NIN: variants seen among roughly 807,000 people sequenced by gnomAD.
The protein encoded by NIN is ninein, also known as glycogen synthase kinase 3 beta-interacting protein.
In NIN, 137 loss-of-function variants were observed where a neutral mutation model predicts 257.6. That is an observed-to-expected ratio of 0.53 (90% CI 0.46 to 0.61). NIN has a LOEUF of 0.61. Among genes scored for constraint, NIN ranks in the 20% least tolerant of loss-of-function variants. The pLI is 0.00. For synonymous variants in NIN, 918 were observed against 919.8 expected (o/e 1.00, Z 0.04); for missense variants, 2,439 against 2,501.2 (o/e 0.98, Z 0.53).
intron 29 of NIN, among the ~76,000 whole-genome samples, chr14:50,727,032 G>C (rs1356182346): frequency 1.3e-5 from 2 of 152,098 alleles, no homozygotes; most frequent in Admixed American, 6.6e-5. Flanking sequence ...AATGCAGGAA[G>C]TAAGTTACAA....
At chr14:50,744,903 T>C (rs531542414) in intron 22 of NIN, among the ~76,000 whole-genome samples, 7 of 152,244 alleles carry the variant, frequency 4.6e-5, no homozygotes, top group Admixed American at 2.0e-4. Flanking sequence ...CACTCCAGGC[T>C]GGGCGACAGA....
At chr14:50,738,780 T>C (rs1377390529) in intron 26 of NIN, among the ~76,000 whole-genome samples, 1 of 152,230 alleles carries the variant, frequency 6.6e-6, no homozygotes, top group Non-Finnish European at 1.5e-5. Context: ...TAACTAAATA[T>C]CTGCGACTCT....
rs1443348151 is a variant in NIN at position 50,723,518 on chromosome 14, A to G, written c.6347T>C (p.Ile2116Thr). ...LEEKIASLSN[I>T]VRNLTPAPLT... Reference sequence around the variant, plus strand: ...TGGCGCTGGTGTCAGATTCCTAACTATATTACTGAGGCTGGCAATCTTCTC... The same window carrying G: ...TGGCGCTGGTGTCAGATTCCTAACTGTATTACTGAGGCTGGCAATCTTCTC... Residue 2116 changes from isoleucine to threonine, a missense_variant, in exon 31 of 31, where the codon ATA becomes ACA. Ile to Thr is a moderately conservative substitution (Grantham distance 89). Coordinates refer to ENST00000530997, the MANE Select transcript of NIN (RefSeq NM_020921.4). The G allele has an allele frequency of 6.8e-6, 11 of 1,613,626 alleles. No individual in the cohort carries two copies. In the African/African-American group the frequency reaches 8.0e-5, roughly 12 times the overall value.
chr14:50,757,953 G>A lies in NIN; in HGVS notation c.3077C>T (p.Thr1026Ile). The change falls in exon 18 of 31, where the codon ACA becomes ATA. Residue 1026 changes from threonine (T) to isoleucine (I), a missense_variant. Physicochemically the swap from Thr to Ile is moderately conservative, Grantham distance 89 (BLOSUM62 -1). This residue lies in a region of NIN where 2,043 missense variants were observed against 2,050.2 expected (regional missense o/e 1.00). Coordinates refer to ENST00000530997, the MANE Select transcript of NIN (RefSeq NM_020921.4). ...QSKIKEMQQA[T>I]SPLSMLQSGC... ...ACTCTGAAGCATTGAGAGAGGAGAT[G>A]TTGCCTGCTGCATTTCCTTTATTTT... The A allele has an allele frequency of 1.9e-6, 3 of 1,614,190 alleles. No individual in the cohort carries two copies. The highest frequency in any genetic ancestry group is 1.3e-5 in the African/African-American group (1 of 75,060).
intron 14 of NIN, among the ~76,000 whole-genome samples, chr14:50,765,265 T>G (rs1031447830): frequency 6.6e-6 from 1 of 151,942 alleles, no homozygotes; most frequent in Admixed American, 6.6e-5. Flanking sequence ...AACAAGTGGA[T>G]GAACTGGGGG....
chr14:50,824,541 T>C (rs530322406), intron 2 of NIN, among the ~76,000 whole-genome samples: 1 of 152,240 alleles, frequency 6.6e-6, no homozygotes, highest in Non-Finnish European at 1.5e-5. Flanking sequence ...TACTGGTTGA[T>C]ATTATTTCCC....
chr14:50,772,255 C>A, intron 9 of NIN, 46 bp downstream of exon 9: 4 of 1,508,892 alleles, frequency 2.7e-6, no homozygotes, highest in South Asian at 2.5e-5. Flanking sequence ...TGAAAATTTT[C>A]AACCCTTCTC....
intron 4 of NIN, among the ~76,000 whole-genome samples, chr14:50,794,743 C>T (rs2043758759): frequency 6.8e-6 from 1 of 146,876 alleles, no homozygotes; most frequent in East Asian, 2.0e-4. Flanking sequence ...TTATTGCATG[C>T]TGCACTTATT....
chr14:50,782,017 AC>A (rs1370377064), intron 5 of NIN, among the ~76,000 whole-genome samples: 7 of 150,678 alleles, frequency 4.6e-5, no homozygotes, highest in Admixed American at 2.6e-4. Context: ...AAAAAAAAAA[AC>A]CAAAAACAAA....
At chr14:50,762,659 A>T (rs757899880) in intron 15 of NIN, among the ~76,000 whole-genome samples, 7 of 152,226 alleles carry the variant, frequency 4.6e-5, no homozygotes, top group Non-Finnish European at 8.8e-5. Context: ...ACTGAGAATG[A>T]CACTGAAAAT....
At position 50,741,678 on chromosome 14, in the gene NIN, C is replaced by G; in HGVS notation, c.5352G>C (p.Arg1784=). 1 of 1,614,104 alleles carries G rather than the reference C, an allele frequency of 6.2e-7. No individual in the cohort carries two copies. Among genetic ancestry groups the G allele is most frequent in the South Asian group, 1.1e-5 (1 of 91,080 alleles). The part of the protein sequence containing the change: ...TVQNVNLQMS[R]MKSDLRVTQQ... ...GAGTCACTCGTAGGTCAGATTTCATCCGGGACATTTGCAGGTTTACATTCT... is the reference window on the plus strand; with the variant it reads ...GAGTCACTCGTAGGTCAGATTTCATGCGGGACATTTGCAGGTTTACATTCT... The change falls in exon 25 of 31, where the codon CGG becomes CGC. Residue 1784 remains arginine, a synonymous_variant. Coordinates refer to ENST00000530997, the MANE Select transcript of NIN (RefSeq NM_020921.4).
chr14:50,765,063 TAAAAAA>T (rs781699626), intron 14 of NIN, among the ~76,000 whole-genome samples: 3 of 82,070 alleles, frequency 3.7e-5, no homozygotes, highest in Non-Finnish European at 7.1e-5. Context: ...TGTCTCTACT[TAAAAAA>T]AAAAAAAAAA....
rs150722174 is a variant in NIN at position 50,757,627 on chromosome 14, C to A, written c.3403G>T (p.Val1135Leu). The change falls in exon 18 of 31, where the codon GTA (valine) becomes TTA (leucine). Residue 1135 changes from valine (V) to leucine (L), a missense_variant. Transcript: ENST00000530997. ...QFLQQNRTKQVEGVTRRHVLS... is the reference protein window; with the variant it reads ...QFLQQNRTKQLEGVTRRHVLS... ...ACATGCCGCCTGGTCACACCTTCTACTTGCTTCGTTCGGTTTTGCTGTAAA... is the reference window on the plus strand; with the variant it reads ...ACATGCCGCCTGGTCACACCTTCTAATTGCTTCGTTCGGTTTTGCTGTAAA... 2 of 1,614,176 alleles carry A rather than the reference C, an allele frequency of 1.2e-6. No homozygotes were observed. The highest frequency in any genetic ancestry group is 1.6e-4 in the Middle Eastern group (1 of 6,062).
chr14:50,731,348 G>A (rs2040686048), intron 28 of NIN, among the ~76,000 whole-genome samples: 1 of 151,854 alleles, frequency 6.6e-6, no homozygotes, highest in Non-Finnish European at 1.5e-5. Context: ...TGTCCAACGT[G>A]GTGAAACCCC....
rs2043010754 is a variant in NIN, at chr14:50,778,661, G to GTTA, written c.475+101_475+103dup. ...ATTTTTTGTTGCTGTTGTTCTTAAT[G>GTTA]TTAATTCCCCTGGCCTGCAGCATAA... On this transcript the variant is annotated intron_variant, in intron 6 of 30. Transcript: ENST00000530997. 6 of 977,816 alleles carry GTTA rather than the reference G, an allele frequency of 6.1e-6. No individual in the cohort carries two copies. In the Admixed American group the frequency reaches 1.1e-4, roughly 19 times the overall value. The allele number at this position is 977,816 out of a possible 1,614,324, so 60.6% of individuals were successfully genotyped here. A position where few individuals can be genotyped will look rare whatever the true frequency, so the allele number is the denominator to read the frequency against.
chr14:50,765,707 T>G (rs1456588799), intron 14 of NIN, among the ~76,000 whole-genome samples: 1 of 149,600 alleles, frequency 6.7e-6, no homozygotes, highest in Admixed American at 6.7e-5. Flanking sequence ...TTGCATTTTA[T>G]AAATAAATGG....
rs1043881452 is a variant in NIN, at chr14:50,770,753, G to A, written c.1259+99C>T. 8 of 1,444,192 alleles carry A rather than the reference G, an allele frequency of 5.5e-6. No individual in the cohort carries two copies. The African/African-American group carries it at 1.1e-4, about 20-fold the overall frequency. 89.5% of individuals were successfully genotyped at this position (1,444,192 alleles called of 1,614,324 possible). A position where few individuals can be genotyped will look rare whatever the true frequency, so the allele number is the denominator to read the frequency against. ...CAAGGTGTGGCCAACAGGCTGACCAGAAGAGTCCCCAGTGCACTGTTCTGC... is the reference window on the plus strand; with the variant it reads ...CAAGGTGTGGCCAACAGGCTGACCAAAAGAGTCCCCAGTGCACTGTTCTGC... On this transcript the variant is annotated intron_variant, in intron 11 of 30. Coordinates refer to ENST00000530997, the MANE Select transcript of NIN (RefSeq NM_020921.4).
At chr14:50,771,093 C>T in intron 10 of NIN, 101 bp from the exon 11 acceptor site, 1 of 1,405,684 alleles carries the variant, frequency 7.1e-7, no homozygotes, top group Non-Finnish European at 9.6e-7. Flanking sequence ...GAAGCAAAAC[C>T]AAGACAACCA....
intron 29 of NIN, 72 bp from the exon 30 acceptor site, chr14:50,726,138 A>C (rs1341636054): frequency 1.4e-5 from 17 of 1,183,254 alleles, no homozygotes; most frequent in Non-Finnish European, 1.8e-5. Context: ...TCCCCACAAG[A>C]TGCCTAGAGA....
Sources: allele counts gnomAD v4.1 joint callset (sites outside exome capture counted in the v4.1 genomes callset), GRCh38; gene constraint gnomAD v4.1.1; regional missense constraint gnomAD v4.1.1; transcripts MANE v1.5; gene names NCBI Gene and HGNC (gene_info 2026-07-23, HGNC 2026-07-21).